PRUNE2: variants seen among roughly 807,000 people sequenced by gnomAD.
PRUNE2 encodes the protein protein prune homolog 2.
Under a neutral mutation model 252.0 loss-of-function variants are expected in PRUNE2, and 164 were observed. That is an observed-to-expected ratio of 0.65 (90% confidence interval 0.57 to 0.74). The LOEUF is 0.74. PRUNE2 is among the 30% of genes least tolerant of loss of function. The pLI is 0.00. For synonymous variants in PRUNE2, 1,292 were observed against 1,350.2 expected (o/e 0.96, Z 0.94); for missense variants, 3,495 against 3,711.0 (o/e 0.94, Z 1.51).
rs1336460062 is a variant in PRUNE2 at position 76,865,847 on chromosome 9, A to ACACACACC, written c.37-11640_37-11639insGGTGTGTG. On this transcript the variant is annotated intron_variant, in intron 1 of 18. Transcript: ENST00000376718. Reference sequence around the variant, plus strand: ...CACACACACACACACACACACACACACCAGAGCATTATGACATGTGCATTA... The same window carrying ACACACACC: ...CACACACACACACACACACACACACACACACACCCCAGAGCATTATGACATGTGCATTA... Among the ~76,000 whole-genome samples, 576 of 145,484 alleles carry ACACACACC rather than the reference A, an allele frequency of 4.0e-3. 3 individuals are homozygous for ACACACACC. Among genetic ancestry groups the ACACACACC allele is most frequent in the African/African-American group, 0.014 (504 of 36,696 alleles).
intron 9 of PRUNE2, among the ~76,000 whole-genome samples, chr9:76,678,846 T>A (rs967526906): frequency 1.3e-4 from 19 of 151,972 alleles, no homozygotes; most frequent in Non-Finnish European, 2.2e-4. Flanking sequence ...AATAAATAAA[T>A]AAAAATAAAT....
At chr9:76,701,188 G>A (rs1330371180) in intron 9 of PRUNE2, among the ~76,000 whole-genome samples, 1 of 152,184 alleles carries the variant, frequency 6.6e-6, no homozygotes, top group Admixed American at 6.5e-5. Flanking sequence ...AAGTACTCAG[G>A]TGATACTGAT....
At chr9:76,743,244 G>C (rs1057211127) in intron 6 of PRUNE2, among the ~76,000 whole-genome samples, 4 of 152,108 alleles carry the variant, frequency 2.6e-5, no homozygotes, top group African/African-American at 7.2e-5. Context: ...TTTCTCTATA[G>C]CAGCATGAGA....
At chr9:76,701,392 A>T (rs1164881247) in intron 9 of PRUNE2, among the ~76,000 whole-genome samples, 1 of 152,250 alleles carries the variant, frequency 6.6e-6, no homozygotes, top group Non-Finnish European at 1.5e-5. Flanking sequence ...CTGAGCAGAA[A>T]GGGATGAGCA....
chr9:76,696,434 AC>A (rs1376733728), intron 9 of PRUNE2, among the ~76,000 whole-genome samples: 3 of 151,788 alleles, frequency 2.0e-5, no homozygotes, highest in African/African-American at 7.3e-5. Context: ...TCCGACTTCC[AC>A]TAGGTTTTTT....
rs2046650329 is a variant in PRUNE2 at position 76,710,589 on chromosome 9, C to A, written c.1685G>T (p.Ser562Ile). The A allele has an allele frequency of 3.7e-6, 6 of 1,613,780 alleles. No homozygotes were observed. In the South Asian group the frequency reaches 6.6e-5, roughly 18 times the overall value. Residue 562 changes from serine (S) to isoleucine (I), a missense_variant, in exon 8 of 19, where the codon AGC becomes ATC. By Grantham distance (142) the Ser-to-Ile change is moderately radical (BLOSUM62 -2). Coordinates refer to ENST00000376718, the MANE Select transcript of PRUNE2 (RefSeq NM_015225.3). ...SSLLSGAGKD[S>I]LVEHDEEFVQ... ...AAACTCCTCATCATGTTCCACAAGG[C>A]TATCTTTGCCAGCCCCTGACAAAAG...
chr9:76,674,164 T>G (rs2042065206), intron 9 of PRUNE2, among the ~76,000 whole-genome samples: 1 of 151,868 alleles, frequency 6.6e-6, no homozygotes, highest in Admixed American at 6.6e-5. Flanking sequence ...CCCCACTGTC[T>G]CAGCCCAAAA....
At chr9:76,677,170 A>G (rs371318323) in intron 9 of PRUNE2, among the ~76,000 whole-genome samples, 3 of 152,190 alleles carry the variant, frequency 2.0e-5, no homozygotes, top group Middle Eastern at 3.4e-3. Context: ...TTCCAATTCA[A>G]TAGTTTCTCT....
At position 76,823,668 on chromosome 9, in the gene PRUNE2, T is replaced by C. The variant is rs143897383; in HGVS notation, c.720A>G (p.Ile240Met). The C allele has an allele frequency of 1.4e-3, 2,203 of 1,612,328 alleles. 2 individuals carry two copies. Among genetic ancestry groups the C allele is most frequent in the Non-Finnish European group, 1.7e-3 (2,036 of 1,178,402 alleles). ...TGCTCACAGTACTAATGGCCACTTT[T>C]ATTTCTCCATCTGACAGCTCCTTTA... Reference protein sequence around the residue: ...KDLKELSDGEIKVAISTVSMN... With the variant: ...KDLKELSDGEMKVAISTVSMN... The change falls in exon 6 of 19, where the codon ATA becomes ATG. Residue 240 changes from isoleucine (I) to methionine (M), a missense_variant. Physicochemically the swap from Ile to Met is conservative, Grantham distance 10 (BLOSUM62 1). Transcript: ENST00000376718.
intron 6 of PRUNE2, among the ~76,000 whole-genome samples, chr9:76,807,293 G>A (rs116035321): frequency 0.026 from 3,880 of 151,690 alleles, 159 homozygotes; most frequent in African/African-American, 0.087. Flanking sequence ...GGATGGTCTC[G>A]AACTCCTGGT....
rs533237668 is a variant in PRUNE2, at chr9:76,863,944, T to C, written c.37-9736A>G. 3.3e-5 allele frequency among the ~76,000 whole-genome samples: 5 copies of C among 152,244 alleles called. No individual in the cohort carries two copies. The South Asian group carries it at 8.3e-4, about 25-fold the overall frequency. Reference sequence around the variant, plus strand: ...CAACCAACAATCCCATTACTAGATATACACCCAAAAGAAAAGAAATCATTC... The same window carrying C: ...CAACCAACAATCCCATTACTAGATACACACCCAAAAGAAAAGAAATCATTC... On this transcript the variant is annotated intron_variant, in intron 1 of 18. Coordinates refer to ENST00000376718, the MANE Select transcript of PRUNE2 (RefSeq NM_015225.3).
intron 4 of PRUNE2, among the ~76,000 whole-genome samples, chr9:76,846,304 C>T (rs931359427): frequency 6.6e-6 from 1 of 152,160 alleles, no homozygotes; most frequent in Non-Finnish European, 1.5e-5. Flanking sequence ...ACAGCAAAGG[C>T]CCCTCATGCC....
At chr9:76,850,131 C>A (rs1564434339) in intron 3 of PRUNE2, among the ~76,000 whole-genome samples, 1 of 151,998 alleles carries the variant, frequency 6.6e-6, no homozygotes, top group Non-Finnish European at 1.5e-5. Context: ...TCACTATAAC[C>A]TCTGCCTCCC....
At chr9:76,725,163 C>A (rs1378118170) in intron 6 of PRUNE2, among the ~76,000 whole-genome samples, 1 of 152,070 alleles carries the variant, frequency 6.6e-6, no homozygotes, top group Non-Finnish European at 1.5e-5. Context: ...AACCTTTTTT[C>A]CTCTCTGGGT....
chr9:76,650,362 A>C (rs1846921320), intron 11 of PRUNE2, among the ~76,000 whole-genome samples: 1 of 151,794 alleles, frequency 6.6e-6, no homozygotes, highest in African/African-American at 2.4e-5. Flanking sequence ...TCATTAAAAG[A>C]AAATAAATTA....
intron 9 of PRUNE2, among the ~76,000 whole-genome samples, chr9:76,678,658 C>T (rs867949532): frequency 1.3e-5 from 2 of 151,616 alleles, no homozygotes; most frequent in African/African-American, 2.4e-5. Flanking sequence ...TGAAACCTCG[C>T]CTCTACTAAA....
At chr9:76,867,714 G>T (rs766789267) in intron 1 of PRUNE2, among the ~76,000 whole-genome samples, 1 of 152,030 alleles carries the variant, frequency 6.6e-6, no homozygotes, top group Non-Finnish European at 1.5e-5. Flanking sequence ...GATTACAGGC[G>T]CGTGCCACCA....
At chr9:76,873,764 G>T (rs550411933) in intron 1 of PRUNE2, among the ~76,000 whole-genome samples, 1 of 152,158 alleles carries the variant, frequency 6.6e-6, no homozygotes. Context: ...ACACAATATC[G>T]ATGGCATTTA....
rs377102064 is a variant in PRUNE2 at position 76,905,988 on chromosome 9, G to A, written c.-25C>T. 1.2e-6 allele frequency: 2 copies of A among 1,613,810 alleles called. No individual in the cohort carries two copies. The highest frequency in any genetic ancestry group is 2.2e-5 in the South Asian group (2 of 91,064). Reference sequence around the variant, plus strand: ...TGTCGTGGCTAGGGGTTTGGAACCCGGGTACTCGGAGGGGCGCAGTGGAAA... The same window carrying A: ...TGTCGTGGCTAGGGGTTTGGAACCCAGGTACTCGGAGGGGCGCAGTGGAAA... On this transcript the variant is annotated 5_prime_UTR_variant, in exon 1 of 19. Coordinates refer to ENST00000376718, the MANE Select transcript of PRUNE2 (RefSeq NM_015225.3).
Sources: gnomAD v4.1 joint callset for allele counts (sites outside exome capture counted in the v4.1 genomes callset) on GRCh38, gnomAD v4.1.1 for gene constraint, MANE v1.5 for transcripts, NCBI Gene and HGNC (gene_info 2026-07-23, HGNC 2026-07-21) for gene names.